KCNC2: variants seen among roughly 807,000 people sequenced by gnomAD.
KCNC2 encodes the protein potassium voltage-gated channel subfamily C member 2.
A neutral mutation model predicts 44.5 loss-of-function variants in KCNC2; 21 were observed. That is an observed-to-expected ratio of 0.47 (90% CI 0.33 to 0.68). The LOEUF (loss-of-function observed/expected upper bound fraction) is 0.68, where lower values mean the gene tolerates loss of function less well. KCNC2 is among the 30% of genes least tolerant of loss of function. KCNC2 has a pLI of 0.01. For missense variants in KCNC2, 589 were observed against 826.2 expected, an observed-to-expected ratio of 0.71 and a Z score of 3.52; for synonymous variants, 391 against 339.1, an observed-to-expected ratio of 1.15 and a Z score of -1.68.
At chr12:75,060,065 A>G (rs1010059586) in intron 2 of KCNC2, among the ~76,000 whole-genome samples, 3 of 152,178 alleles carry the variant, frequency 2.0e-5, no homozygotes, top group Admixed American at 1.3e-4. Context: ...TAGCTATTAT[A>G]CATATTATTG....
At chr12:75,098,717 C>T (rs1886134971) in intron 2 of KCNC2, among the ~76,000 whole-genome samples, 1 of 151,668 alleles carries the variant, frequency 6.6e-6, no homozygotes, top group Admixed American at 6.6e-5. Context: ...TGAGATCATG[C>T]CACTGCACTC....
chr12:75,067,440 T>C (rs972630462), intron 2 of KCNC2, among the ~76,000 whole-genome samples: 12 of 152,146 alleles, frequency 7.9e-5, no homozygotes, highest in Admixed American at 2.0e-4. Context: ...ACTTATTGAA[T>C]ACCCATGATA....
At chr12:75,063,384 A>C (rs1882530238) in intron 2 of KCNC2, among the ~76,000 whole-genome samples, 1 of 152,126 alleles carries the variant, frequency 6.6e-6, no homozygotes, top group African/African-American at 2.4e-5. Context: ...TCACATGTTA[A>C]ACTTGGATTG....
chr12:75,042,520 C>A lies in KCNC2; in HGVS notation c.*585G>T, dbSNP rs1880027076. 4 of 1,423,664 alleles carry A rather than the reference C, an allele frequency of 2.8e-6. No individual in the cohort carries two copies. Among genetic ancestry groups the A allele is most frequent in the Non-Finnish European group, 3.7e-6 (4 of 1,092,750 alleles). The allele number at this position is 1,423,664 out of a possible 1,614,324, so 88.2% of individuals were successfully genotyped here. On this transcript the variant is annotated 3_prime_UTR_variant, in exon 5 of 5. Coordinates refer to ENST00000549446, the MANE Select transcript of KCNC2 (RefSeq NM_139137.4). ...GTCAAGGAGAAAAGTGCCCTCCCTG[C>A]CCCACAATTCAACATGCAGAACAGT...
intron 2 of KCNC2, among the ~76,000 whole-genome samples, chr12:75,152,152 GTAAGGCCAA>G (rs1472190751): frequency 2.7e-5 from 4 of 150,396 alleles, no homozygotes; most frequent in Non-Finnish European, 5.9e-5. Context: ...AAGAAATACA[GTAAGGCCAA>G]TGACATTTCC....
intron 2 of KCNC2, among the ~76,000 whole-genome samples, chr12:75,086,660 C>CAAAAA (rs751242858): frequency 2.6e-5 from 3 of 117,012 alleles, no homozygotes; most frequent in Admixed American, 9.7e-5. Flanking sequence ...GTTCATTTGG[C>CAAAAA]AAAAAAAAAA....
chr12:75,173,475 T>G (rs971849680), intron 2 of KCNC2, among the ~76,000 whole-genome samples: 1 of 151,806 alleles, frequency 6.6e-6, no homozygotes. Context: ...GTTCCTCATT[T>G]CTCACAAACA....
intron 2 of KCNC2, among the ~76,000 whole-genome samples, chr12:75,080,418 A>T (rs1480000995): frequency 1.3e-5 from 2 of 152,124 alleles, no homozygotes; most frequent in African/African-American, 4.8e-5. Flanking sequence ...GGAGAAAAAA[A>T]AAACCATCTC....
At chr12:75,200,623 T>C (rs1222387784) in intron 2 of KCNC2, among the ~76,000 whole-genome samples, 1 of 151,752 alleles carries the variant, frequency 6.6e-6, no homozygotes, top group African/African-American at 2.4e-5. Flanking sequence ...TATATACATA[T>C]ACCCTAAAAA....
At chr12:75,181,007 A>C (rs2960467) in intron 2 of KCNC2, among the ~76,000 whole-genome samples, 152,240 of 152,240 alleles carry the variant, frequency 1, 76,120 homozygotes, top group Non-Finnish European at 1. Context: ...AACTATTTGA[A>C]CTTCTAACAT....
At chr12:75,140,154 C>G (rs1443302098) in intron 2 of KCNC2, 1 of 152,168 alleles carries the variant, frequency 6.6e-6, no homozygotes. Context: ...ACTTACATGT[C>G]TGGACTTTTT....
chr12:75,165,760 G>C (rs372925700), intron 2 of KCNC2, among the ~76,000 whole-genome samples: 1 of 151,392 alleles, frequency 6.6e-6, no homozygotes, highest in Non-Finnish European at 1.5e-5. Context: ...ATTGTATATA[G>C]ATGTTGATAT....
At chr12:75,163,814 T>A (rs1319492374) in intron 2 of KCNC2, among the ~76,000 whole-genome samples, 1 of 151,720 alleles carries the variant, frequency 6.6e-6, no homozygotes, top group Non-Finnish European at 1.5e-5. Context: ...CTGTTTATCT[T>A]AAAACACTTA....
chr12:75,070,996 T>C (rs896113533), intron 2 of KCNC2, among the ~76,000 whole-genome samples: 5 of 152,202 alleles, frequency 3.3e-5, no homozygotes, highest in African/African-American at 1.2e-4. Context: ...TTTTTATTTT[T>C]ATTTTTCTCA....
At chr12:75,093,772 C>T (rs556401373) in intron 2 of KCNC2, among the ~76,000 whole-genome samples, 1 of 151,558 alleles carries the variant, frequency 6.6e-6, no homozygotes, top group South Asian at 2.1e-4. Flanking sequence ...TCAAGGTTTT[C>T]AAAAATATTA....
intron 2 of KCNC2, among the ~76,000 whole-genome samples, chr12:75,061,662 T>C (rs902661716): frequency 1.3e-5 from 2 of 151,656 alleles, no homozygotes; most frequent in African/African-American, 4.8e-5. Context: ...ATTTTGTCCA[T>C]AGAGGTCATC....
chr12:75,199,077 A>G (rs1279975795), intron 2 of KCNC2, among the ~76,000 whole-genome samples: 1 of 151,858 alleles, frequency 6.6e-6, no homozygotes, highest in African/African-American at 2.4e-5. Flanking sequence ...ATGCAACCAA[A>G]AGTTGATTAC....
chr12:75,145,273 T>G (rs547694077), intron 2 of KCNC2, among the ~76,000 whole-genome samples: 1 of 152,292 alleles, frequency 6.6e-6, no homozygotes, highest in African/African-American at 2.4e-5. Flanking sequence ...CAAGTGCTTC[T>G]TAACACTTCC....
intron 2 of KCNC2, among the ~76,000 whole-genome samples, chr12:75,204,371 T>C (rs749457445): frequency 1.4e-4 from 22 of 152,052 alleles, no homozygotes; most frequent in Non-Finnish European, 3.1e-4. Flanking sequence ...CTATCACCGT[T>C]GTTTTGTCTG....
Sources: gnomAD v4.1 joint callset for allele counts (sites outside exome capture counted in the v4.1 genomes callset) on GRCh38, gnomAD v4.1.1 for gene constraint, MANE v1.5 for transcripts, NCBI Gene and HGNC (gene_info 2026-07-23, HGNC 2026-07-21) for gene names.